Variants in NUDC observed in about 807,000 individuals in gnomAD.
The protein encoded by NUDC is nuclear migration protein nudC.
NUDC carries 14 observed loss-of-function variants against 45.0 expected under a neutral mutation model. That is an observed-to-expected ratio of 0.31 (90% confidence interval 0.21 to 0.49). NUDC has a LOEUF of 0.49. NUDC is among the 20% of genes least tolerant of loss of function. The probability of loss-of-function intolerance (pLI) is 0.99; values close to 1 mark genes in which losing one functional copy is unlikely to be tolerated. For missense variants in NUDC, 323 were observed against 426.2 expected, an observed-to-expected ratio of 0.76 and a Z score of 2.13; for synonymous variants, 153 against 156.7, an observed-to-expected ratio of 0.98 and a Z score of 0.17.
chr1:26,902,648 G>T (rs763181279), intron 2 of NUDC, among the ~76,000 whole-genome samples: 1 of 151,992 alleles, frequency 6.6e-6, no homozygotes, highest in African/African-American at 2.4e-5. Flanking sequence ...ACGTCGGGAG[G>T]TTGAGGTCGG....
At chr1:26,932,355 T>G (rs2082190653) in intron 2 of NUDC, among the ~76,000 whole-genome samples, 2 of 151,984 alleles carry the variant, frequency 1.3e-5, no homozygotes, top group Admixed American at 6.6e-5. Context: ...TATTGTATTT[T>G]TACAATGTAG....
At chr1:26,921,304 A>G (rs1352504444), upstream of NUDC, among the ~76,000 whole-genome samples, 1 of 152,212 alleles carries the variant, frequency 6.6e-6, no homozygotes, top group Non-Finnish European at 1.5e-5. Flanking sequence ...TTGTACTCCC[A>G]TGAAGCTGGC....
chr1:26,929,172 C>G (rs555113892), intron 2 of NUDC, among the ~76,000 whole-genome samples: 1 of 152,312 alleles, frequency 6.6e-6, no homozygotes, highest in East Asian at 1.9e-4. Flanking sequence ...AGGACAAATA[C>G]AGTTGATCCT....
intron 3 of NUDC, chr1:26,913,409 CG>C (rs763598701): frequency 1.2e-6 from 2 of 1,613,916 alleles, no homozygotes; most frequent in Non-Finnish European, 1.7e-6. Context: ...GGGAGCTCAC[CG>C]GGGTTGAAGA....
chr1:26,922,122 C>T (rs546665161), intron 1 of NUDC, 193 bp downstream of exon 1: 290 of 618,300 alleles, frequency 4.7e-4, no homozygotes, highest in Non-Finnish European at 7.4e-4. Context: ...GTCCCGGGCC[C>T]CCGGCGCCCC....
Position 26,922,018 on chromosome 1 carries a change from A to G in NUDC, c.81+89A>G, listed in dbSNP as rs1170282219. ...GCCTTCGAGGGCTGAGACCCACCCC[A>G]GCGGCTCGCGGGCTTCTGGGATGCC... On this transcript the variant is annotated intron_variant, in intron 1 of 8. Coordinates refer to ENST00000321265, the MANE Select transcript of NUDC (RefSeq NM_006600.4). 44 of 1,365,238 alleles carry G rather than the reference A, an allele frequency of 3.2e-5. No homozygotes were observed. The East Asian group carries it at 1.0e-3, about 32-fold the overall frequency. The allele number at this position is 1,365,238 out of a possible 1,614,324, so 84.6% of individuals were successfully genotyped here. A position where few individuals can be genotyped will look rare whatever the true frequency, so the allele number is the denominator to read the frequency against.
chr1:26,924,139 T>C lies in NUDC; in HGVS notation c.132T>C (p.Ile44=), dbSNP rs868343802. 8.7e-6 allele frequency: 14 copies of C among 1,614,076 alleles called. 1 individual carries two copies. The Middle Eastern group carries it at 2.0e-3, about 228-fold the overall frequency. Residue 44 remains isoleucine, a synonymous_variant, in exon 2 of 9, where the codon ATT becomes ATC. Coordinates refer to ENST00000321265, the MANE Select transcript of NUDC (RefSeq NM_006600.4). ...SFLRRKTDFF[I]GGEEGMAEKL... ...TTCGACGCAAAACAGACTTTTTCAT[T>C]GGAGGAGAAGAAGGGATGGCAGAGA...
chr1:26,941,682 T>A (rs962308746), intron 3 of NUDC, 22 bp downstream of exon 3: 5 of 1,612,496 alleles, frequency 3.1e-6, no homozygotes, highest in Admixed American at 3.3e-5. Flanking sequence ...GCTTCCCTTC[T>A]CCACCCCTCA....
intron 2 of NUDC, among the ~76,000 whole-genome samples, chr1:26,939,472 C>G (rs534988455): frequency 2.0e-5 from 3 of 152,102 alleles, no homozygotes; most frequent in East Asian, 1.9e-4. Context: ...TAAAAAAATA[C>G]AAAAATTAGC....
intron 2 of NUDC, among the ~76,000 whole-genome samples, chr1:26,928,959 C>T (rs2082156307): frequency 6.6e-6 from 1 of 152,166 alleles, no homozygotes. Flanking sequence ...TTTACTTGCA[C>T]ACCCATGTTC....
chr1:26,918,276 A>ATTT (rs1237840377), upstream of NUDC, among the ~76,000 whole-genome samples: 1 of 128,542 alleles, frequency 7.8e-6, no homozygotes, highest in Non-Finnish European at 1.6e-5. Flanking sequence ...GGTTCAAGTG[A>ATTT]TTCTTTTTTT....
chr1:26,910,667 A>G (rs973664834), intron 2 of NUDC, among the ~76,000 whole-genome samples: 1 of 152,154 alleles, frequency 6.6e-6, no homozygotes, highest in East Asian at 1.9e-4. Flanking sequence ...GGAAAATCCT[A>G]TAGGCATGTG....
intron 3 of NUDC, among the ~76,000 whole-genome samples, chr1:26,912,671 C>G (rs896949110): frequency 6.6e-6 from 1 of 152,186 alleles, no homozygotes; most frequent in Non-Finnish European, 1.5e-5. Context: ...ATAAAGACTC[C>G]TTTCCTGTCC....
At chr1:26,933,876 T>C (rs113911819) in intron 2 of NUDC, among the ~76,000 whole-genome samples, 431 of 152,196 alleles carry the variant, frequency 2.8e-3, no homozygotes, top group Non-Finnish European at 4.6e-3. Flanking sequence ...GGATTACGGC[T>C]GGGCACGGTG....
Position 26,946,207 on chromosome 1 carries a change from T to C in NUDC, c.*26T>C. 1 of 1,604,814 alleles carries C rather than the reference T, an allele frequency of 6.2e-7. No individual in the cohort carries two copies. The highest frequency in any genetic ancestry group is 8.5e-7 in the Non-Finnish European group (1 of 1,173,002). Reference sequence around the variant, plus strand: ...CCCCTGTTTTTTCCTCCCTGAACTCTTGGGGCTGAGCTGCAACCACCCAAC... The same window carrying C: ...CCCCTGTTTTTTCCTCCCTGAACTCCTGGGGCTGAGCTGCAACCACCCAAC... On this transcript the variant is annotated 3_prime_UTR_variant, in exon 9 of 9. Coordinates refer to ENST00000321265, the MANE Select transcript of NUDC (RefSeq NM_006600.4).
intron 2 of NUDC, among the ~76,000 whole-genome samples, chr1:26,940,830 C>T (rs1313041641): frequency 2.0e-5 from 3 of 152,106 alleles, no homozygotes; most frequent in Non-Finnish European, 4.4e-5. Context: ...GGATTACAGG[C>T]GCACGCCACC....
intron 1 of NUDC, 125 bp downstream of exon 1, chr1:26,922,054 C>G (rs1346424390): frequency 2.0e-6 from 2 of 984,360 alleles, no homozygotes; most frequent in Non-Finnish European, 3.1e-6. Flanking sequence ...CCTACATTCT[C>G]ACTGCGCCCA....
intron 8 of NUDC, among the ~76,000 whole-genome samples, chr1:26,945,912 G>A (rs1247909920): frequency 1.3e-5 from 2 of 152,098 alleles, no homozygotes; most frequent in African/African-American, 2.4e-5. Flanking sequence ...GGTAACAGGC[G>A]GTCATTGCCA....
intron 3 of NUDC, chr1:26,912,218 C>G: frequency 2.1e-6 from 2 of 933,526 alleles, no homozygotes; most frequent in Non-Finnish European, 3.2e-6. Flanking sequence ...GGTCCCACTA[C>G]TACCTCCTCC....
Sources: gnomAD v4.1 joint callset for allele counts (sites outside exome capture counted in the v4.1 genomes callset) on GRCh38, gnomAD v4.1.1 for gene constraint, MANE v1.5 for transcripts, NCBI Gene and HGNC (gene_info 2026-07-23, HGNC 2026-07-21) for gene names.